Variants in TMTC2 observed in about 807,000 individuals in gnomAD.
The protein encoded by TMTC2 is transmembrane O-mannosyltransferase targeting cadherins 2, also known as protein O-mannosyl-transferase TMTC2.
TMTC2 carries 43 observed loss-of-function variants against 82.4 expected under a neutral mutation model. The observed-to-expected ratio is 0.52, with a 90% CI of 0.41 to 0.67. The LOEUF (loss-of-function observed/expected upper bound fraction) is 0.67. TMTC2 is among the 30% of genes least tolerant of loss of function. The probability of loss-of-function intolerance (pLI) is 0.00; values close to 1 mark genes in which losing one functional copy is unlikely to be tolerated. For synonymous variants in TMTC2, 408 were observed against 381.9 expected, an observed-to-expected ratio of 1.07 and a Z score of -0.80; for missense variants, 919 against 1,012.4, an observed-to-expected ratio of 0.91 and a Z score of 1.25.
intron 1 of TMTC2, among the ~76,000 whole-genome samples, chr12:82,741,560 T>C (rs1298509163): frequency 6.6e-6 from 1 of 152,182 alleles, no homozygotes; most frequent in Non-Finnish European, 1.5e-5. Flanking sequence ...CAGCCCACCT[T>C]AGCCTCCCAA....
At chr12:82,802,061 C>T (rs551899674) in intron 1 of TMTC2, among the ~76,000 whole-genome samples, 3 of 152,002 alleles carry the variant, frequency 2.0e-5, no homozygotes, top group Admixed American at 6.6e-5. Context: ...CTTGGGTGGT[C>T]GATGGAACTG....
chr12:82,802,914 G>A (rs73358239), intron 1 of TMTC2, among the ~76,000 whole-genome samples: 2,163 of 152,288 alleles, frequency 0.014, 50 homozygotes, highest in African/African-American at 0.05. Context: ...AGGAGCTTCT[G>A]TAGTATTCCT....
chr12:82,855,559 T>A (rs1263303633), intron 1 of TMTC2, among the ~76,000 whole-genome samples: 1 of 152,152 alleles, frequency 6.6e-6, no homozygotes, highest in African/African-American at 2.4e-5. Context: ...GAGTTCTCAT[T>A]CCTGTGCCCT....
intron 1 of TMTC2, among the ~76,000 whole-genome samples, chr12:82,798,490 C>T (rs1268473322): frequency 1.4e-4 from 4 of 28,372 alleles, no homozygotes; most frequent in Admixed American, 9.3e-4. Context: ...GAGGGAGACT[C>T]GTCTCAAAAA....
intron 1 of TMTC2, among the ~76,000 whole-genome samples, chr12:82,809,053 A>G (rs1422677556): frequency 1.3e-5 from 2 of 149,716 alleles, no homozygotes; most frequent in African/African-American, 4.9e-5. Context: ...TTCTGAGTGA[A>G]TGAAAATAAG....
intron 1 of TMTC2, among the ~76,000 whole-genome samples, chr12:82,722,127 A>G (rs1484924535): frequency 6.6e-6 from 1 of 152,232 alleles, no homozygotes; most frequent in Admixed American, 6.5e-5. Context: ...AGACACTCCT[A>G]ATGAATTATG....
intron 1 of TMTC2, among the ~76,000 whole-genome samples, chr12:82,741,374 G>A (rs907579654): frequency 2.0e-5 from 3 of 152,114 alleles, no homozygotes; most frequent in African/African-American, 7.2e-5. Context: ...GCAGTGGCGT[G>A]ATCTTGACTC....
intron 3 of TMTC2, among the ~76,000 whole-genome samples, chr12:82,899,271 T>TTAC (rs1280008891): frequency 6.6e-6 from 1 of 152,034 alleles, no homozygotes; most frequent in Non-Finnish European, 1.5e-5. Flanking sequence ...CTTGCAGGCT[T>TTAC]TACCATCTCA....
chr12:82,730,310 A>AAAAT (rs1466597319), intron 1 of TMTC2, among the ~76,000 whole-genome samples: 1 of 151,172 alleles, frequency 6.6e-6, no homozygotes, highest in Non-Finnish European at 1.5e-5. Flanking sequence ...AAAAAAAAAA[A>AAAAT]AAAAAAGCAG....
chr12:82,984,918 G>A (rs1026834432), intron 7 of TMTC2, among the ~76,000 whole-genome samples: 8 of 151,938 alleles, frequency 5.3e-5, no homozygotes, highest in Admixed American at 1.3e-4. Flanking sequence ...GTAATGACTC[G>A]TGGCCAAAAT....
intron 1 of TMTC2, among the ~76,000 whole-genome samples, chr12:82,851,294 G>T (rs554587396): frequency 6.6e-6 from 1 of 152,060 alleles, no homozygotes; most frequent in South Asian, 2.1e-4. Context: ...GCCAGGTGTG[G>T]TGGTGGGCAC....
rs1885320367 is a variant in TMTC2 at position 83,133,162 on chromosome 12, A to T, written c.*773A>T. 1 of 152,190 alleles carries T rather than the reference A, an allele frequency of 6.6e-6. No individual in the cohort carries two copies. The highest frequency in any genetic ancestry group is 1.5e-5 in the Non-Finnish European group (1 of 68,042). 9.4% of individuals were successfully genotyped at this position (152,190 alleles called of 1,614,324 possible). A position where few individuals can be genotyped will look rare whatever the true frequency, so the allele number is the denominator to read the frequency against. On this transcript the variant is annotated 3_prime_UTR_variant, in exon 12 of 12. Coordinates refer to ENST00000321196, the MANE Select transcript of TMTC2 (RefSeq NM_152588.3). ...TTTAATATCGTCAATATTTTCCCCCAAACTGCCCAGTAGAATTCATTGTAT... is the reference window on the plus strand; with the variant it reads ...TTTAATATCGTCAATATTTTCCCCCTAACTGCCCAGTAGAATTCATTGTAT...
intron 8 of TMTC2, among the ~76,000 whole-genome samples, chr12:83,004,690 A>C (rs1000533564): frequency 1.1e-5 from 1 of 94,374 alleles, no homozygotes; most frequent in African/African-American, 3.6e-5. Context: ...AGATTCCTGC[A>C]TTTTGTTTCA....
chr12:82,756,992 C>G (rs1876364530), intron 1 of TMTC2, among the ~76,000 whole-genome samples: 1 of 152,094 alleles, frequency 6.6e-6, no homozygotes, highest in Admixed American at 6.6e-5. Context: ...GGTGGTTTTC[C>G]TGAAATCAAA....
At chr12:82,944,181 A>G (rs940512507) in intron 4 of TMTC2, among the ~76,000 whole-genome samples, 9 of 152,182 alleles carry the variant, frequency 5.9e-5, no homozygotes, top group African/African-American at 2.2e-4. Context: ...AATTATGTAA[A>G]TTAAAACTGA....
intron 9 of TMTC2, 67 bp from the exon 10 acceptor site, chr12:83,050,837 T>C: frequency 9.2e-7 from 1 of 1,084,094 alleles, no homozygotes. Context: ...TTATTTTTCT[T>C]TAATAACAGC....
At chr12:82,954,599 C>A (rs1231409907) in intron 4 of TMTC2, among the ~76,000 whole-genome samples, 1 of 152,216 alleles carries the variant, frequency 6.6e-6, no homozygotes, top group Non-Finnish European at 1.5e-5. Flanking sequence ...AATCCTGTTT[C>A]CCTTGCGTGT....
chr12:82,977,434 TAAC>T (rs1376781879), intron 7 of TMTC2, among the ~76,000 whole-genome samples: 1 of 151,844 alleles, frequency 6.6e-6, no homozygotes, highest in African/African-American at 2.4e-5. Flanking sequence ...CTGGAAATAA[TAAC>T]AAATTATTTA....
At chr12:82,763,952 A>G (rs1031964579) in intron 1 of TMTC2, among the ~76,000 whole-genome samples, 3 of 152,226 alleles carry the variant, frequency 2.0e-5, no homozygotes, top group Non-Finnish European at 4.4e-5. Flanking sequence ...TCATGAATAC[A>G]GGTACAAAAA....
Sources: allele counts gnomAD v4.1 joint callset (sites outside exome capture counted in the v4.1 genomes callset), GRCh38; gene constraint gnomAD v4.1.1; transcripts MANE v1.5; gene names NCBI Gene and HGNC (gene_info 2026-07-23, HGNC 2026-07-21).